INPP4B: variants seen among roughly 807,000 people sequenced by gnomAD.
INPP4B encodes the protein inositol polyphosphate 4-phosphatase type II.
INPP4B carries 55 observed loss-of-function variants against 122.5 expected under a neutral mutation model. The observed-to-expected ratio is 0.45, with a 90% CI of 0.36 to 0.56. The LOEUF (loss-of-function observed/expected upper bound fraction) is 0.56. Ranked by LOEUF, INPP4B falls within the 20% of genes least tolerant of loss-of-function variation. The pLI, the probability that INPP4B is intolerant of heterozygous loss-of-function variation, is 0.00. For missense variants in INPP4B, 1,000 were observed against 1,097.7 expected, an observed-to-expected ratio of 0.91 and a Z score of 1.26; for synonymous variants, 403 against 388.7, an observed-to-expected ratio of 1.04 and a Z score of -0.43.
intron 9 of INPP4B, among the ~76,000 whole-genome samples, chr4:142,272,435 G>T (rs1307751493): frequency 6.6e-6 from 1 of 151,950 alleles, no homozygotes; most frequent in Admixed American, 6.6e-5. Flanking sequence ...GTGATTTATT[G>T]TTAAATAGAT....
chr4:142,215,968 T>TTGCATACC (rs1847073083), intron 12 of INPP4B, among the ~76,000 whole-genome samples: 3 of 142,574 alleles, frequency 2.1e-5, no homozygotes, highest in Non-Finnish European at 4.5e-5. Flanking sequence ...AATTAAATAG[T>TTGCATACC]TGCATACCAT....
intron 7 of INPP4B, among the ~76,000 whole-genome samples, chr4:142,370,308 A>C (rs1789380909): frequency 6.6e-6 from 1 of 152,186 alleles, no homozygotes; most frequent in Admixed American, 6.6e-5. Context: ...TAACCATTGC[A>C]CAATAAATCT....
intron 17 of INPP4B, among the ~76,000 whole-genome samples, chr4:142,148,902 T>C (rs896263536): frequency 8.5e-5 from 13 of 152,326 alleles, no homozygotes; most frequent in Admixed American, 3.9e-4. Context: ...GGGTGAGAAA[T>C]TGAGCAGTCT....
chr4:142,805,945 G>C (rs951734114), intron 1 of INPP4B, among the ~76,000 whole-genome samples: 10 of 152,098 alleles, frequency 6.6e-5, no homozygotes, highest in Non-Finnish European at 8.8e-5. Flanking sequence ...TCAAGGTATG[G>C]GAGAGTATGA....
intron 17 of INPP4B, among the ~76,000 whole-genome samples, chr4:142,151,121 T>C (rs1813670781): frequency 1.3e-5 from 2 of 152,208 alleles, no homozygotes; most frequent in South Asian, 4.1e-4. Context: ...TGCTCTATAC[T>C]GGCCAAGGTC....
intron 12 of INPP4B, among the ~76,000 whole-genome samples, chr4:142,219,387 ATAAAGT>A (rs1485162739): frequency 8.5e-5 from 13 of 152,224 alleles, no homozygotes; most frequent in Admixed American, 7.9e-4. Flanking sequence ...GCTCTTGTTG[ATAAAGT>A]TAAATTGGTA....
At chr4:142,196,968 T>C (rs2244409) in intron 14 of INPP4B, among the ~76,000 whole-genome samples, 8,430 of 151,280 alleles carry the variant, frequency 0.056, 314 homozygotes, top group Non-Finnish European at 0.08. Context: ...CTACTAAAAA[T>C]ACAGAAAATT....
chr4:142,844,758 ATCATTGAG>A (rs1783979296), intron 1 of INPP4B, among the ~76,000 whole-genome samples: 1 of 152,246 alleles, frequency 6.6e-6, no homozygotes, highest in Non-Finnish European at 1.5e-5. Context: ...GCGCTGCTTT[ATCATTGAG>A]TCAGATTACT....
At chr4:142,596,214 C>T (rs544191882) in intron 2 of INPP4B, among the ~76,000 whole-genome samples, 1 of 152,152 alleles carries the variant, frequency 6.6e-6, no homozygotes, top group Non-Finnish European at 1.5e-5. Flanking sequence ...ATGATTCTTC[C>T]ACTTAGTCCA....
chr4:142,431,416 C>A (rs373013884), intron 3 of INPP4B, 31 bp from the exon 4 acceptor site: 14 of 614,868 alleles, frequency 2.3e-5, no homozygotes, highest in East Asian at 2.2e-4. Flanking sequence ...AAATTTCAGT[C>A]ATATTGGAGT....
Position 142,260,510 on chromosome 4 carries a change from A to G in INPP4B, c.670T>C (p.Leu224=), listed in dbSNP as rs1739384840. ...TACATACCTGAATTCAAAAAAGGTAAGTTATCTTTTCCGCTCACACTTTCC... is the reference window on the plus strand; with the variant it reads ...TACATACCTGAATTCAAAAAAGGTAGGTTATCTTTTCCGCTCACACTTTCC... ...APESVSGKDN[L]PFLNSVLKNP... is the part of the protein sequence containing the mutation. The change falls in exon 11 of 26, where the codon TTA becomes CTA. Residue 224 remains leucine, a synonymous_variant. Coordinates refer to ENST00000262992, the MANE Select transcript of INPP4B (RefSeq NM_001101669.3). The G allele has an allele frequency of 6.2e-7, 1 of 1,606,536 alleles. No homozygotes were observed. Among genetic ancestry groups the G allele is most frequent in the African/African-American group, 1.3e-5 (1 of 74,666 alleles).
chr4:142,105,623 T>G (rs556717884), intron 23 of INPP4B, among the ~76,000 whole-genome samples: 1 of 152,306 alleles, frequency 6.6e-6, no homozygotes, highest in Admixed American at 6.5e-5. Context: ...TCCCTTAAAG[T>G]TAAGAAAATC....
Position 142,238,015 on chromosome 4 carries a change from GAA to G in INPP4B, c.689-6_689-5del. ...TTACATACTGGGTTCTTTAACACTG[GAA>G]AAAAAAAGAAAAAATAATAGTTAAA... On this transcript the variant is annotated splice_region_variant and splice_polypyrimidine_tract_variant and intron_variant, in intron 11 of 25. Transcript: ENST00000262992. 5 of 1,332,134 alleles carry G rather than the reference GAA, an allele frequency of 3.8e-6. No individual in the cohort carries two copies. Among genetic ancestry groups the G allele is most frequent in the Middle Eastern group, 1.9e-4 (1 of 5,278 alleles). The allele number at this position is 1,332,134 out of a possible 1,614,324, so 82.5% of individuals were successfully genotyped here.
At chr4:142,140,404 G>A (rs932443489) in intron 18 of INPP4B, among the ~76,000 whole-genome samples, 1 of 152,174 alleles carries the variant, frequency 6.6e-6, no homozygotes, top group Non-Finnish European at 1.5e-5. Context: ...GGTGAACATA[G>A]AGCTGGTTGA....
At chr4:142,738,934 C>A (rs962183696) in intron 1 of INPP4B, among the ~76,000 whole-genome samples, 8 of 152,204 alleles carry the variant, frequency 5.3e-5, no homozygotes, top group African/African-American at 1.9e-4. Context: ...ATCAAGTATT[C>A]ACTTACAAGT....
intron 2 of INPP4B, among the ~76,000 whole-genome samples, chr4:142,529,692 G>T (rs1827354536): frequency 6.6e-6 from 1 of 151,928 alleles, no homozygotes; most frequent in African/African-American, 2.4e-5. Context: ...TAAAAAAGGG[G>T]TCCTCAGACA....
intron 7 of INPP4B, among the ~76,000 whole-genome samples, chr4:142,382,646 ATTATATATATTT>A (rs1794614344): frequency 4.8e-5 from 7 of 145,372 alleles, no homozygotes; most frequent in African/African-American, 1.8e-4. Flanking sequence ...ACATTTATAT[ATTATATATATTT>A]ATATATATAT....
chr4:142,345,844 A>G (rs978800150), intron 7 of INPP4B, among the ~76,000 whole-genome samples: 1 of 152,022 alleles, frequency 6.6e-6, no homozygotes, highest in Non-Finnish European at 1.5e-5. Flanking sequence ...CCATTTCCCT[A>G]TAATTGCTAG....
chr4:142,645,221 C>T (rs905809330), intron 2 of INPP4B, among the ~76,000 whole-genome samples: 9 of 151,890 alleles, frequency 5.9e-5, no homozygotes, highest in Non-Finnish European at 7.4e-5. Flanking sequence ...TAGAATTGGA[C>T]AAAATTTTAA....
Sources: gnomAD v4.1 joint callset for allele counts (sites outside exome capture counted in the v4.1 genomes callset) on GRCh38, gnomAD v4.1.1 for gene constraint, MANE v1.5 for transcripts, NCBI Gene and HGNC (gene_info 2026-07-23, HGNC 2026-07-21) for gene names.